Variants in AP4S1 observed in about 807,000 individuals in gnomAD.
The protein encoded by AP4S1 is AP-4 complex subunit sigma-1.
AP4S1 carries 23 observed loss-of-function variants against 19.8 expected under a neutral mutation model. The observed-to-expected ratio is 1.16, with a 90% CI of 0.84 to 1.65. AP4S1 has a LOEUF of 1.65. Ranked by LOEUF, AP4S1 falls within the 40% of genes most tolerant of loss-of-function variation. AP4S1 has a pLI of 0.00. For missense variants in AP4S1, 166 were observed against 172.8 expected (o/e 0.96, Z 0.22); for synonymous variants, 46 against 54.1 (o/e 0.85, Z 0.66).
At chr14:31,026,325 C>T (rs1200581144) in intron 1 of AP4S1, 1 of 819,898 alleles carries the variant, frequency 1.2e-6, no homozygotes, top group Non-Finnish European at 1.6e-6. Flanking sequence ...GTGTGCCTGC[C>T]GTGGGTCAGA....
chr14:31,085,946 A>G (rs539750066), intron 5 of AP4S1: 17 of 537,856 alleles, frequency 3.2e-5, no homozygotes, highest in Admixed American at 1.3e-4. Context: ...AAGGGCATCA[A>G]TGCTGTGTGC....
intron 5 of AP4S1, among the ~76,000 whole-genome samples, chr14:31,092,692 T>C (rs1002672349): frequency 2.0e-5 from 3 of 152,158 alleles, no homozygotes; most frequent in African/African-American, 7.2e-5. Flanking sequence ...TCCCTACTTA[T>C]CCTGTTAGCT....
At chr14:31,059,128 A>G (rs1047705915) in intron 1 of AP4S1, among the ~76,000 whole-genome samples, 1 of 152,170 alleles carries the variant, frequency 6.6e-6, no homozygotes, top group African/African-American at 2.4e-5. Context: ...CTATAGTAAA[A>G]ATAGTTTACA....
At chr14:31,073,179 G>C in intron 4 of AP4S1, 3 of 450,610 alleles carry the variant, frequency 6.7e-6, no homozygotes, top group Non-Finnish European at 3.9e-6. Context: ...TCTTTATAAA[G>C]AACTGGAAAA....
chr14:31,068,297 A>G (rs939156276), intron 2 of AP4S1, among the ~76,000 whole-genome samples: 1 of 152,226 alleles, frequency 6.6e-6, no homozygotes, highest in African/African-American at 2.4e-5. Flanking sequence ...TTGTGCATTA[A>G]TTTTGTCAGT....
At chr14:31,037,761 C>A (rs1360206788) in intron 1 of AP4S1, among the ~76,000 whole-genome samples, 1 of 152,038 alleles carries the variant, frequency 6.6e-6, no homozygotes, top group Admixed American at 6.6e-5. Flanking sequence ...CCAGCCTGGG[C>A]AACACAGTGA....
At chr14:31,065,072 C>T (rs1470185391) in intron 1 of AP4S1, among the ~76,000 whole-genome samples, 1 of 152,216 alleles carries the variant, frequency 6.6e-6, no homozygotes, top group Admixed American at 6.5e-5. Context: ...GATATCACTA[C>T]TATTATTTCC....
chr14:31,045,964 ATTTT>A (rs34459906), intron 1 of AP4S1, among the ~76,000 whole-genome samples: 1 of 130,576 alleles, frequency 7.7e-6, no homozygotes, highest in Non-Finnish European at 1.6e-5. Flanking sequence ...AAGGAGCTAG[ATTTT>A]TTTTTTTTTT....
chr14:31,069,675 G>T (rs1293122807), intron 2 of AP4S1, among the ~76,000 whole-genome samples, 168 bp from the exon 3 acceptor site: 1 of 152,168 alleles, frequency 6.6e-6, no homozygotes, highest in African/African-American at 2.4e-5. Flanking sequence ...ATGCTTCCAA[G>T]TGGTCCCCTG....
At position 31,027,801 on chromosome 14, in the gene AP4S1, A is replaced by G. The variant is rs371669774; in HGVS notation, c.-72+2014A>G. ...TGCACTAGTGTGTTTCTAAAAATTA[A>G]TATAGCTAAGAAGCATTTGTTTGAA... On this transcript the variant is annotated intron_variant, in intron 1 of 5. Transcript: ENST00000542754. Among the ~76,000 whole-genome samples, 31 of 152,374 alleles carry G rather than the reference A, an allele frequency of 2.0e-4. No individual in the cohort carries two copies. In the South Asian group the frequency reaches 3.9e-3, roughly 19 times the overall value.
At chr14:31,027,674 A>T (rs1356836657) in intron 1 of AP4S1, among the ~76,000 whole-genome samples, 1 of 152,200 alleles carries the variant, frequency 6.6e-6, no homozygotes, top group Non-Finnish European at 1.5e-5. Context: ...CAAAAAATTT[A>T]AAAAGTTTGA....
Position 31,093,037 on chromosome 14 carries a change from AG to A in AP4S1, c.*4del, listed in dbSNP as rs1167407572. 6.5e-6 allele frequency: 10 copies of A among 1,547,984 alleles called. No homozygotes were observed. The African/African-American group carries it at 1.1e-4, about 17-fold the overall frequency. ...CTTGATAAGATGTCAGAAAGCTGAA[AG>A]GAAGTCTCTTCGAGACAATATGGAT... On this transcript the variant is annotated 3_prime_UTR_variant, in exon 6 of 6. Transcript: ENST00000542754.
At chr14:31,035,792 C>G (rs552715721) in intron 1 of AP4S1, among the ~76,000 whole-genome samples, 1 of 151,510 alleles carries the variant, frequency 6.6e-6, no homozygotes, top group Non-Finnish European at 1.5e-5. Flanking sequence ...TGCAGTGGTG[C>G]GATCTCGACT....
intron 1 of AP4S1, among the ~76,000 whole-genome samples, chr14:31,032,658 C>T (rs1209080146): frequency 1.3e-5 from 2 of 151,860 alleles, no homozygotes; most frequent in Non-Finnish European, 2.9e-5. Flanking sequence ...CAAGCAGCCT[C>T]CCAAGTAGCT....
intron 1 of AP4S1, among the ~76,000 whole-genome samples, chr14:31,037,064 G>A (rs1035759889): frequency 2.0e-5 from 3 of 151,796 alleles, no homozygotes; most frequent in South Asian, 2.1e-4. Flanking sequence ...TGCCTGCCTC[G>A]GCCTCCGAAA....
intron 3 of AP4S1, among the ~76,000 whole-genome samples, chr14:31,070,435 A>G (rs1886940224): frequency 1.3e-5 from 2 of 151,678 alleles, no homozygotes; most frequent in Admixed American, 1.3e-4. Flanking sequence ...TCTTTTAGAG[A>G]TGGGATCTCA....
chr14:31,062,056 T>C (rs1405541187), intron 1 of AP4S1, among the ~76,000 whole-genome samples: 2 of 152,114 alleles, frequency 1.3e-5, no homozygotes, highest in African/African-American at 4.8e-5. Flanking sequence ...TAGCAAATAG[T>C]GATAAAGTGA....
At chr14:31,029,319 T>A (rs1453549664) in intron 1 of AP4S1, among the ~76,000 whole-genome samples, 2 of 152,226 alleles carry the variant, frequency 1.3e-5, no homozygotes, top group Non-Finnish European at 2.9e-5. Flanking sequence ...GTTTAGTGAT[T>A]TCTAAATTTA....
chr14:31,037,450 T>C (rs1158321585), intron 1 of AP4S1, among the ~76,000 whole-genome samples: 1 of 152,190 alleles, frequency 6.6e-6, no homozygotes, highest in Admixed American at 6.6e-5. Context: ...TCTTCACTCT[T>C]GCATTTTTAA....
Sources: allele counts gnomAD v4.1 joint callset (sites outside exome capture counted in the v4.1 genomes callset), GRCh38; gene constraint gnomAD v4.1.1; transcripts MANE v1.5; gene names NCBI Gene and HGNC (gene_info 2026-07-23, HGNC 2026-07-21).